The following ANKRD36C variants were observed in gnomAD, a reference collection of about 807,000 sequenced individuals.
ANKRD36C encodes the protein ankyrin repeat domain-containing protein 36C.
In ANKRD36C, 61 loss-of-function variants were observed where a neutral mutation model predicts 276.4. The observed-to-expected ratio is 0.22, with a 90% confidence interval of 0.18 to 0.27. The LOEUF (loss-of-function observed/expected upper bound fraction) is 0.27. Among genes scored for constraint, ANKRD36C ranks in the 10% least tolerant of loss-of-function variants. The pLI, the probability that ANKRD36C is intolerant of heterozygous loss-of-function variation, is 1.00. For missense variants in ANKRD36C, 1,447 were observed against 2,032.3 expected (o/e 0.71, Z 5.54); for synonymous variants, 483 against 680.1 (o/e 0.71, Z 4.51).
intron 6 of ANKRD36C, among the ~76,000 whole-genome samples, chr2:95,975,650 G>A (rs1422083181): frequency 1.7e-4 from 26 of 152,246 alleles, no homozygotes; most frequent in Non-Finnish European, 3.1e-4. Context: ...AGACTTACAC[G>A]TTAGACCTAA....
downstream of ANKRD36C, chr2:95,851,052 A>C: frequency 1.5e-6 from 1 of 669,644 alleles, no homozygotes; most frequent in East Asian, 2.7e-5. Flanking sequence ...GTAAGAAAAA[A>C]TATTTAATGT....
At chr2:95,989,328 G>C (rs1038008731) in intron 1 of ANKRD36C, among the ~76,000 whole-genome samples, 1 of 151,832 alleles carries the variant, frequency 6.6e-6, no homozygotes, top group Non-Finnish European at 1.5e-5. Context: ...TATACATCAC[G>C]GATAAGAAAA....
At chr2:95,929,243 T>G in exon 25 of ANKRD36C, 1 of 1,593,814 alleles carries the variant, frequency 6.3e-7, no homozygotes, top group Non-Finnish European at 8.5e-7. Context: ...AATTACCTTC[T>G]CAGCTGGTTG....
At chr2:95,948,959 T>A (rs368337383) in intron 16 of ANKRD36C, among the ~76,000 whole-genome samples, 1 of 151,436 alleles carries the variant, frequency 6.6e-6, no homozygotes, top group African/African-American at 2.4e-5. Flanking sequence ...TTGATATCTG[T>A]CACAACTTTT....
chr2:95,921,549 A>G, intron 34 of ANKRD36C, 58 bp downstream of exon 34: 6 of 1,561,604 alleles, frequency 3.8e-6, no homozygotes, highest in Non-Finnish European at 5.2e-6. Context: ...TATTCGGGGT[A>G]GAGAAGTTCT....
chr2:95,927,498 C>G, intron 26 of ANKRD36C, 89 bp from the exon 27 acceptor site: 1 of 1,580,284 alleles, frequency 6.3e-7, no homozygotes, highest in Non-Finnish European at 8.6e-7. Flanking sequence ...CAAACTATAT[C>G]TTCCTGCCTG....
At chr2:95,861,875 G>T (rs958015079) in intron 60 of ANKRD36C, among the ~76,000 whole-genome samples, 1 of 152,036 alleles carries the variant, frequency 6.6e-6, no homozygotes, top group Non-Finnish European at 1.5e-5. Context: ...GACACAAATT[G>T]GTTGTAAGGA....
At chr2:95,977,215 T>C (rs1278142464) in intron 6 of ANKRD36C, among the ~76,000 whole-genome samples, 2 of 152,096 alleles carry the variant, frequency 1.3e-5, no homozygotes, top group Admixed American at 6.6e-5. Context: ...TGGAAACCTA[T>C]GAATGATCCA....
chr2:95,991,410 C>G (rs1183136003), intron 1 of ANKRD36C, 102 bp downstream of exon 1: 2 of 1,388,490 alleles, frequency 1.4e-6, no homozygotes, highest in African/African-American at 3.1e-5. Flanking sequence ...CGTCCATACC[C>G]CGAGCCCCGG....
chr2:95,986,300 A>G (rs949053471), intron 3 of ANKRD36C, among the ~76,000 whole-genome samples: 6 of 152,052 alleles, frequency 3.9e-5, no homozygotes, highest in African/African-American at 1.5e-4. Flanking sequence ...TTCAGATGAA[A>G]TCACCTTCAC....
At chr2:95,947,610 A>G (rs1348891494) in intron 17 of ANKRD36C, among the ~76,000 whole-genome samples, 1 of 152,160 alleles carries the variant, frequency 6.6e-6, no homozygotes, top group Non-Finnish European at 1.5e-5. Flanking sequence ...ATTATTTTTT[A>G]ATTACAATGC....
At chr2:95,861,721 T>C (rs1675587588) in intron 60 of ANKRD36C, among the ~76,000 whole-genome samples, 1 of 152,070 alleles carries the variant, frequency 6.6e-6, no homozygotes, top group Non-Finnish European at 1.5e-5. Context: ...ATCACACAGC[T>C]ACCAGACAAA....
intron 42 of ANKRD36C, 47 bp downstream of exon 46, chr2:95,910,326 T>A (rs1439853549): frequency 1.3e-6 from 2 of 1,503,928 alleles, no homozygotes; most frequent in Non-Finnish European, 1.8e-6. Context: ...AGAGAACTTC[T>A]TATCTATCTG....
intron 42 of ANKRD36C, among the ~76,000 whole-genome samples, chr2:95,907,704 A>C (rs570001781): frequency 2.0e-5 from 3 of 146,928 alleles, no homozygotes; most frequent in Admixed American, 6.7e-5. Context: ...TTATTCTCTA[A>C]AGAAGTTTCA....
At position 95,891,726 on chromosome 2, in the gene ANKRD36C, G is replaced by A. The variant is rs546181873; in HGVS notation, c.2796C>T (p.Asp932=). The change falls in exon 46 of 67, where the codon GAC becomes GAT. Residue 932 remains aspartate (D), a synonymous_variant. Coordinates refer to ENST00000456556, the Ensembl canonical transcript of ANKRD36C. The stretch of plus-strand genomic sequence containing the variant: ...CTATATTCAAAACAGAATCTTTCTC[G>A]TCACTTGTAGCCTGAATGGAATTTG... The A allele has an allele frequency of 5.1e-5, 81 of 1,581,480 alleles. 1 individual carries two copies. The highest frequency in any genetic ancestry group is 2.7e-4 in the South Asian group (24 of 87,646).
At chr2:95,925,071 G>A (rs1677367118) in intron 30 of ANKRD36C, among the ~76,000 whole-genome samples, 1 of 151,474 alleles carries the variant, frequency 6.6e-6, no homozygotes, top group South Asian at 2.1e-4. Context: ...TCTGAAATAA[G>A]AGCAAAATTA....
chr2:95,982,996 G>A (rs1229538753), intron 3 of ANKRD36C, among the ~76,000 whole-genome samples: 1 of 151,582 alleles, frequency 6.6e-6, no homozygotes, highest in Admixed American at 6.6e-5. Context: ...GTTAACATTT[G>A]AGAAATGAGT....
chr2:95,958,414 T>A (rs1678380881), intron 12 of ANKRD36C, among the ~76,000 whole-genome samples, 177 bp downstream of exon 12: 1 of 152,086 alleles, frequency 6.6e-6, no homozygotes, highest in South Asian at 2.1e-4. Flanking sequence ...ACTACTCAGA[T>A]CATGGACAAA....
chr2:95,897,555 C>A (rs1482006584), intron 44 of ANKRD36C, 90 bp from the exon 59 acceptor site: 50 of 1,488,720 alleles, frequency 3.4e-5, no homozygotes, highest in Non-Finnish European at 4.5e-5. Context: ...AACCTCCGTC[C>A]TCCTGCCTGT....
Sources: allele counts gnomAD v4.1 joint callset (sites outside exome capture counted in the v4.1 genomes callset), GRCh38; gene constraint gnomAD v4.1.1; transcripts MANE v1.5; gene names NCBI Gene and HGNC (gene_info 2026-07-23, HGNC 2026-07-21).